Variants in PCDHGB5 observed in about 807,000 individuals in gnomAD.
PCDHGB5 encodes the protein protocadherin gamma subfamily B, 5.
PCDHGB5 carries 48 observed loss-of-function variants against 62.9 expected under a neutral mutation model. That is an observed-to-expected ratio of 0.76 (90% CI 0.61 to 0.97). PCDHGB5 has a LOEUF of 0.97. PCDHGB5 is among the 50% of genes least tolerant of loss of function. The probability of loss-of-function intolerance (pLI) is 0.00; values close to 1 mark genes in which losing one functional copy is unlikely to be tolerated. For synonymous variants in PCDHGB5, 474 were observed against 511.2 expected (o/e 0.93, Z 0.98); for missense variants, 1,118 against 1,198.6 (o/e 0.93, Z 0.99).
In PCDHGB5 at chr5:141,474,831, G is replaced by A. The variant is rs188288898; in HGVS notation, c.2398-19976G>A. On this transcript the variant is annotated intron_variant, in intron 1 of 3. Coordinates refer to ENST00000617380, the MANE Select transcript of PCDHGB5 (RefSeq NM_018925.3). ...CATCATTAATTGAGGCTTACTCTGTGCCAGGCACTTTACCTGCCTTCTTCA... is the reference window on the plus strand; with the variant it reads ...CATCATTAATTGAGGCTTACTCTGTACCAGGCACTTTACCTGCCTTCTTCA... 5.3e-5 allele frequency among the ~76,000 whole-genome samples: 8 copies of A among 152,350 alleles called. No individual in the cohort carries two copies. The East Asian group carries it at 1.5e-3, about 29-fold the overall frequency.
chr5:141,415,247 C>G, intron 1 of PCDHGB5: 1 of 1,614,210 alleles, frequency 6.2e-7, no homozygotes. Context: ...TCTGAAACCT[C>G]AGACCTCACT....
intron 1 of PCDHGB5, chr5:141,441,448 A>T (rs1415765869): frequency 1.2e-5 from 2 of 161,528 alleles, no homozygotes; most frequent in Non-Finnish European, 2.7e-5. Context: ...CAGCCCAAGC[A>T]TCACCCTACT....
At chr5:141,419,849 T>C in intron 1 of PCDHGB5, 1 of 1,614,040 alleles carries the variant, frequency 6.2e-7, no homozygotes, top group East Asian at 2.2e-5. Context: ...GCACCTGGTG[T>C]TCGCAGATAG....
chr5:141,489,477 G>C lies in PCDHGB5; in HGVS notation c.2398-5330G>C, dbSNP rs2154581232. 1.9e-6 allele frequency: 3 copies of C among 1,614,108 alleles called. No homozygotes were observed. Among genetic ancestry groups the C allele is most frequent in the Non-Finnish European group, 2.5e-6 (3 of 1,180,034 alleles). ...ATGGGCGCTATTTTTCCCTGAGCTT[G>C]ATGAGTGGTGCCCTGGCAGTGAATC... is the stretch of plus-strand genomic sequence containing the variant. On this transcript the variant is annotated intron_variant, in intron 1 of 3. Coordinates refer to ENST00000617380, the MANE Select transcript of PCDHGB5 (RefSeq NM_018925.3). This position sits in a 1 kb window ranked among gnomAD's most constrained non-coding sequence, Gnocchi z 4.5.
At chr5:141,418,566 A>G (rs2096269931) in intron 1 of PCDHGB5, 2 of 1,614,054 alleles carry the variant, frequency 1.2e-6, no homozygotes, top group South Asian at 1.1e-5. Context: ...ATAGATGCCA[A>G]TGACAACCCC....
intron 1 of PCDHGB5, among the ~76,000 whole-genome samples, chr5:141,443,727 A>T: frequency 6.6e-6 from 1 of 152,220 alleles, no homozygotes; most frequent in Non-Finnish European, 1.5e-5. Context: ...AATTCCTCAT[A>T]CATTTCCCTA....
chr5:141,450,253 A>G (rs1025385837), intron 1 of PCDHGB5, among the ~76,000 whole-genome samples: 1 of 152,020 alleles, frequency 6.6e-6, no homozygotes, highest in African/African-American at 2.4e-5. Flanking sequence ...CCTGACCTCA[A>G]GTGATCTGCC....
At chr5:141,482,999 T>G (rs1031397558) in intron 1 of PCDHGB5, among the ~76,000 whole-genome samples, 3 of 151,950 alleles carry the variant, frequency 2.0e-5, no homozygotes, top group Non-Finnish European at 2.9e-5. Flanking sequence ...GCAGGAGAAT[T>G]GCTTGAACCC....
chr5:141,407,390 G>T (rs2094924861), intron 1 of PCDHGB5, among the ~76,000 whole-genome samples: 1 of 152,164 alleles, frequency 6.6e-6, no homozygotes, highest in Non-Finnish European at 1.5e-5. Flanking sequence ...GTATGTCATG[G>T]TAGGTAGTTA....
At chr5:141,450,810 AT>A (rs755484062) in intron 1 of PCDHGB5, among the ~76,000 whole-genome samples, 1 of 136,728 alleles carries the variant, frequency 7.3e-6, no homozygotes, top group Admixed American at 7.3e-5. Context: ...TTATTTATTT[AT>A]TTAATATTAT....
At chr5:141,496,402 G>T (rs551923899) in intron 2 of PCDHGB5, among the ~76,000 whole-genome samples, 183 of 152,248 alleles carry the variant, frequency 1.2e-3, no homozygotes, top group African/African-American at 4.0e-3. Flanking sequence ...CCTCCTCAAT[G>T]GTTGAGTACT....
At chr5:141,409,241 A>G in intron 1 of PCDHGB5, 1 of 1,614,038 alleles carries the variant, frequency 6.2e-7, no homozygotes. Context: ...CAGCCCAGAA[A>G]TAATCATCAC....
Position 141,439,440 on chromosome 5 carries a change from A to T in PCDHGB5, c.2397+38916A>T, listed in dbSNP as rs147662506. 1.4e-3 allele frequency among the ~76,000 whole-genome samples: 212 copies of T among 152,330 alleles called. 1 individual carries two copies. The highest frequency in any genetic ancestry group is 4.8e-3 in the African/African-American group (198 of 41,576). On this transcript the variant is annotated intron_variant, in intron 1 of 3. Transcript: ENST00000617380. Reference sequence around the variant, plus strand: ...GGTTATAAATTCCCAGGAATATTTTATTGCGGGAGCAAGACTGCACTGCTG... The same window carrying T: ...GGTTATAAATTCCCAGGAATATTTTTTTGCGGGAGCAAGACTGCACTGCTG...
At position 141,489,244 on chromosome 5, in the gene PCDHGB5, G is replaced by A. The variant is rs145484133; in HGVS notation, c.2398-5563G>A. ...TCCACAAAGGGACTTCTGGGTCATG[G>A]GGCCCAAGACACTCCCACAGCTCGC... On this transcript the variant is annotated intron_variant, in intron 1 of 3. Coordinates refer to ENST00000617380, the MANE Select transcript of PCDHGB5 (RefSeq NM_018925.3). This position sits in a 1 kb window ranked among gnomAD's most constrained non-coding sequence, Gnocchi z 4.5. 5 of 1,534,936 alleles carry A rather than the reference G, an allele frequency of 3.3e-6. No individual in the cohort carries two copies. In the African/African-American group the frequency reaches 5.5e-5, roughly 17 times the overall value.
chr5:141,403,749 C>T (rs759577178), intron 1 of PCDHGB5: 2 of 1,613,652 alleles, frequency 1.2e-6, no homozygotes, highest in Non-Finnish European at 1.7e-6. Context: ...ACTGCAACAG[C>T]CAGCGACCTG....
chr5:141,421,160 A>T, intron 1 of PCDHGB5: 1 of 1,250,104 alleles, frequency 8.0e-7, no homozygotes, highest in Non-Finnish European at 1.1e-6. Flanking sequence ...CTAGGACTTC[A>T]TAGATACATA....
chr5:141,418,928 A>T (rs762769886), intron 1 of PCDHGB5: 1 of 1,613,978 alleles, frequency 6.2e-7, no homozygotes, highest in East Asian at 2.2e-5. Context: ...TGATCAGATT[A>T]TGGAGGATTC....
intron 1 of PCDHGB5, chr5:141,404,432 GATACC>G: frequency 6.2e-7 from 1 of 1,613,380 alleles, no homozygotes; most frequent in African/African-American, 1.3e-5. Context: ...CTTGGCAGAG[GATACC>G]ATCCAAGGGT....
chr5:141,491,898 G>A lies in PCDHGB5; in HGVS notation c.2398-2909G>A, dbSNP rs772673872. 1.6e-5 allele frequency: 23 copies of A among 1,428,816 alleles called. No homozygotes were observed. The highest frequency in any genetic ancestry group is 3.0e-5 in the South Asian group (2 of 66,966). The allele number at this position is 1,428,816 out of a possible 1,614,324, so 88.5% of individuals were successfully genotyped here. A position where few individuals can be genotyped will look rare whatever the true frequency, so the allele number is the denominator to read the frequency against. ...ATTAAGGGATGGGGCTCCGAGCACC[G>A]GGGGTGGTGGCGACTGTGGGCGAGG... On this transcript the variant is annotated intron_variant, in intron 1 of 3. Coordinates refer to ENST00000617380, the MANE Select transcript of PCDHGB5 (RefSeq NM_018925.3). This position sits in a 1 kb window ranked among gnomAD's most constrained non-coding sequence, Gnocchi z 6.9.
Sources: allele counts gnomAD v4.1 joint callset (sites outside exome capture counted in the v4.1 genomes callset), GRCh38; gene constraint gnomAD v4.1.1; non-coding constraint Gnocchi (gnomAD v3.1); transcripts MANE v1.5; gene names NCBI Gene and HGNC (gene_info 2026-07-23, HGNC 2026-07-21).